The following BCAR3 variants were observed in gnomAD, a reference collection of about 807,000 sequenced individuals.
The protein encoded by BCAR3 is breast cancer anti-estrogen resistance protein 3.
Under a neutral mutation model 80.1 loss-of-function variants are expected in BCAR3, and 37 were observed. The observed-to-expected ratio is 0.46, with a 90% CI of 0.36 to 0.61. The LOEUF (loss-of-function observed/expected upper bound fraction) is 0.61, where lower values mean the gene tolerates loss of function less well. Among genes scored for constraint, BCAR3 ranks in the 20% least tolerant of loss-of-function variants. The pLI, the probability that BCAR3 is intolerant of heterozygous loss-of-function variation, is 0.00. For missense variants in BCAR3, 978 were observed against 1,068.2 expected (o/e 0.92, Z 1.18); for synonymous variants, 389 against 418.9 (o/e 0.93, Z 0.87).
intron 2 of BCAR3, among the ~76,000 whole-genome samples, chr1:93,721,510 G>A (rs1443774172): frequency 6.6e-6 from 1 of 152,146 alleles, no homozygotes; most frequent in African/African-American, 2.4e-5. Context: ...CTGGGAATGC[G>A]ACGGAACTTT....
intron 2 of BCAR3, among the ~76,000 whole-genome samples, chr1:93,764,720 C>T (rs61781054): frequency 0.093 from 14,116 of 152,162 alleles, 780 homozygotes; most frequent in African/African-American, 0.14. Flanking sequence ...GCCTCTCACC[C>T]GGGCTTCCAC....
chr1:93,584,869 G>T, intron 5 of BCAR3: 2 of 602,920 alleles, frequency 3.3e-6, no homozygotes, highest in Non-Finnish European at 4.2e-6. Context: ...TCCCTAGCTA[G>T]AGACAGAGGC....
intron 3 of BCAR3, among the ~76,000 whole-genome samples, chr1:93,619,550 T>C (rs553170192): frequency 6.6e-6 from 1 of 152,368 alleles, no homozygotes; most frequent in South Asian, 2.1e-4. Context: ...TTCTTTGCTG[T>C]ACACTTTTCT....
intron 2 of BCAR3, among the ~76,000 whole-genome samples, chr1:93,667,791 T>A (rs1647995454): frequency 6.6e-6 from 1 of 152,212 alleles, no homozygotes. Flanking sequence ...TTCCGAAGCA[T>A]GACCTGAGGG....
At chr1:93,786,050 G>A (rs1571126626) in intron 2 of BCAR3, among the ~76,000 whole-genome samples, 1 of 141,356 alleles carries the variant, frequency 7.1e-6, no homozygotes, top group African/African-American at 2.9e-5. Flanking sequence ...AAAATTAGCC[G>A]GGCGTGGTGG....
At position 93,718,108 on chromosome 1, in the gene BCAR3, A is replaced by G. The variant is rs1224419855; in HGVS notation, c.-62-11966T>C. On this transcript the variant is annotated intron_variant, in intron 2 of 13. Coordinates refer to the BCAR3 transcript ENST00000370244. The stretch of plus-strand genomic sequence containing the variant: ...TTCCTGCGTTCACAGCTCTTAAAAT[A>G]AAATAATAAATTTAAACATACTCCT... Among the ~76,000 whole-genome samples the G allele has an allele frequency of 5.9e-5, 9 of 152,192 alleles. No individual in the cohort carries two copies. In the East Asian group the frequency reaches 1.7e-3, roughly 29 times the overall value.
chr1:93,744,115 C>T (rs181646990), intron 2 of BCAR3, among the ~76,000 whole-genome samples: 12 of 152,332 alleles, frequency 7.9e-5, no homozygotes, highest in Middle Eastern at 3.4e-3. Context: ...TGCAATCTCC[C>T]CTCACCCTAG....
At position 93,571,651 on chromosome 1, in the gene BCAR3, A is replaced by G; in HGVS notation, c.1974+19T>C. ...TCTTTACAGAACATTAAGTACACATAAAGTAATTGGAAATTTACCTGTGGC... is the reference window on the plus strand; with the variant it reads ...TCTTTACAGAACATTAAGTACACATGAAGTAATTGGAAATTTACCTGTGGC... On this transcript the variant is annotated intron_variant, in intron 9 of 11. Coordinates refer to ENST00000260502, the MANE Select transcript of BCAR3 (RefSeq NM_003567.4). 3 of 1,613,454 alleles carry G rather than the reference A, an allele frequency of 1.9e-6. No homozygotes were observed. The highest frequency in any genetic ancestry group is 2.5e-6 in the Non-Finnish European group (3 of 1,179,364).
intron 2 of BCAR3, among the ~76,000 whole-genome samples, chr1:93,827,543 A>C (rs1417929324): frequency 6.6e-6 from 1 of 152,030 alleles, no homozygotes; most frequent in African/African-American, 2.4e-5. Context: ...GCAGGACCCT[A>C]GGCATCCTCT....
At chr1:93,572,021 G>A (rs1199621497) in intron 8 of BCAR3, among the ~76,000 whole-genome samples, 180 bp from the exon 9 acceptor site, 1 of 152,242 alleles carries the variant, frequency 6.6e-6, no homozygotes, top group Non-Finnish European at 1.5e-5. Flanking sequence ...CAGGCTGACT[G>A]TGGAGGGCCA....
chr1:93,678,554 G>T (rs1648599924), intron 1 of BCAR3, among the ~76,000 whole-genome samples: 1 of 152,178 alleles, frequency 6.6e-6, no homozygotes, highest in Non-Finnish European at 1.5e-5. Context: ...AGGGCTTATG[G>T]TGTACCAAGG....
rs560453727 is a variant in BCAR3, at chr1:93,812,337, T to C, written c.-63+33230A>G. Among the ~76,000 whole-genome samples the C allele has an allele frequency of 5.9e-5, 9 of 152,050 alleles. No homozygotes were observed. In the South Asian group the frequency reaches 1.7e-3, roughly 28 times the overall value. On this transcript the variant is annotated intron_variant, in intron 2 of 13. Transcript: ENST00000370244. Reference sequence around the variant, plus strand: ...CTGTCTAGTTTTCCTACCTCAAGTCTCCCCCTCTCCTATCTGCCCTTCATA... The same window carrying C: ...CTGTCTAGTTTTCCTACCTCAAGTCCCCCCCTCTCCTATCTGCCCTTCATA...
chr1:93,613,597 G>C (rs1675018814), intron 3 of BCAR3, among the ~76,000 whole-genome samples: 1 of 152,200 alleles, frequency 6.6e-6, no homozygotes, highest in Admixed American at 6.5e-5. Context: ...TCAGCCTACA[G>C]AGAACTGAAA....
At chr1:93,568,702 C>T (rs1051563409) in intron 9 of BCAR3, among the ~76,000 whole-genome samples, 5 of 152,168 alleles carry the variant, frequency 3.3e-5, no homozygotes, top group Admixed American at 3.3e-4. Context: ...ATAAACCACA[C>T]CCATTCCTTG....
chr1:93,667,135 G>A (rs1647955187), intron 2 of BCAR3, among the ~76,000 whole-genome samples: 1 of 152,224 alleles, frequency 6.6e-6, no homozygotes, highest in African/African-American at 2.4e-5. Context: ...GCTGGAATCA[G>A]CGTCAAGGTC....
chr1:93,843,744 A>T (rs188093937), intron 2 of BCAR3, among the ~76,000 whole-genome samples: 2 of 152,192 alleles, frequency 1.3e-5, no homozygotes, highest in Admixed American at 1.3e-4. Context: ...TTCACATGCT[A>T]CCTTGCTTCA....
chr1:93,733,763 T>C (rs1274277888), intron 2 of BCAR3, among the ~76,000 whole-genome samples: 1 of 152,252 alleles, frequency 6.6e-6, no homozygotes, highest in Admixed American at 6.5e-5. Context: ...TGTGTGTGCA[T>C]GCATCTACCC....
chr1:93,710,737 T>C (rs1247474138), intron 2 of BCAR3, among the ~76,000 whole-genome samples: 3 of 152,256 alleles, frequency 2.0e-5, no homozygotes, highest in African/African-American at 7.2e-5. Context: ...CCCTGCTTTA[T>C]CTAGCTAACG....
chr1:93,735,705 T>G (rs1650950303), intron 2 of BCAR3, among the ~76,000 whole-genome samples: 1 of 152,262 alleles, frequency 6.6e-6, no homozygotes, highest in Non-Finnish European at 1.5e-5. Context: ...ATTTATCCAT[T>G]TATTGCATAA....
Sources: allele counts gnomAD v4.1 joint callset (sites outside exome capture counted in the v4.1 genomes callset), GRCh38; gene constraint gnomAD v4.1.1; transcripts MANE v1.5; gene names NCBI Gene and HGNC (gene_info 2026-07-23, HGNC 2026-07-21).